The following SOD2 variants were observed in gnomAD, a reference collection of about 807,000 sequenced individuals.
SOD2 encodes the protein superoxide dismutase [Mn], mitochondrial.
SOD2 carries 11 observed loss-of-function variants against 27.0 expected under a neutral mutation model. That is an observed-to-expected ratio of 0.41 (90% confidence interval 0.26 to 0.67). The LOEUF (loss-of-function observed/expected upper bound fraction) is 0.67, where lower values mean the gene tolerates loss of function less well. Ranked by LOEUF, SOD2 falls within the 30% of genes least tolerant of loss-of-function variation. The pLI, the probability that SOD2 is intolerant of heterozygous loss-of-function variation, is 0.34. For synonymous variants in SOD2, 105 were observed against 103.0 expected, an observed-to-expected ratio of 1.02 and a Z score of -0.12; for missense variants, 250 against 274.5, an observed-to-expected ratio of 0.91 and a Z score of 0.63.
exon 1 of SOD2, chr6:159,727,328 T>G: frequency 8.0e-7 from 1 of 1,250,986 alleles, no homozygotes; most frequent in South Asian, 1.3e-5. Context: ...GAAAGGCGAC[T>G]CTCCTGTGAG....
upstream of SOD2, among the ~76,000 whole-genome samples, chr6:159,729,884 T>C (rs941869452): frequency 3.9e-5 from 6 of 152,294 alleles, no homozygotes; most frequent in Admixed American, 2.6e-4. Context: ...TACCTAACTT[T>C]ATGATGCTAA....
chr6:159,739,167 T>A (rs1779094461), intron 1 of SOD2: 1 of 779,336 alleles, frequency 1.3e-6, no homozygotes, highest in African/African-American at 1.8e-5. Flanking sequence ...AATAATTTAA[T>A]GTACTTTTTG....
At chr6:159,729,750 C>G (rs1449781957), upstream of SOD2, among the ~76,000 whole-genome samples, 1 of 152,192 alleles carries the variant, frequency 6.6e-6, no homozygotes, top group East Asian at 1.9e-4. Flanking sequence ...TCATCAGTAC[C>G]TTGCTACTAC....
chr6:159,732,381 A>C (rs1441322950), intron 1 of SOD2, among the ~76,000 whole-genome samples: 1 of 152,216 alleles, frequency 6.6e-6, no homozygotes, highest in African/African-American at 2.4e-5. Context: ...AGCTGTTTTC[A>C]AACTGTCATT....
chr6:159,750,813 C>T (rs1341714079), intron 1 of SOD2, among the ~76,000 whole-genome samples: 1 of 150,256 alleles, frequency 6.7e-6, no homozygotes, highest in African/African-American at 2.5e-5. Flanking sequence ...AAATACATCA[C>T]TAATTTGAAA....
At chr6:159,727,538 C>A (rs1778262616), upstream of SOD2, 1 of 991,680 alleles carries the variant, frequency 1.0e-6, no homozygotes, top group Non-Finnish European at 1.2e-6. Flanking sequence ...CAGCGAGACC[C>A]ACAAATAAAG....
chr6:159,734,963 G>T (rs1054219776), intron 1 of SOD2, among the ~76,000 whole-genome samples: 1 of 151,772 alleles, frequency 6.6e-6, no homozygotes, highest in East Asian at 1.9e-4. Flanking sequence ...ATTAGCATTC[G>T]TTCTAAAAAA....
chr6:159,721,812 A>G (rs1778047915), intron 1 of SOD2, among the ~76,000 whole-genome samples: 1 of 150,314 alleles, frequency 6.7e-6, no homozygotes, highest in African/African-American at 2.5e-5. Context: ...GGCGTAAGCC[A>G]CCACACCCAG....
intron 1 of SOD2, chr6:159,741,884 G>C (rs973374722): frequency 7.0e-6 from 3 of 429,212 alleles, no homozygotes; most frequent in Non-Finnish European, 8.3e-6. Context: ...CAGGGACATC[G>C]CTTGAGCCCA....
chr6:159,687,977 C>T, intron 3 of SOD2, 149 bp downstream of exon 3: 1 of 603,346 alleles, frequency 1.7e-6, no homozygotes, highest in Non-Finnish European at 3.0e-6. Context: ...CGCCACTGTA[C>T]TCCAGCCTGG....
At chr6:159,759,668 C>CAA (rs1189023511) in intron 1 of SOD2, among the ~76,000 whole-genome samples, 108 of 128,038 alleles carry the variant, frequency 8.4e-4, no homozygotes, top group African/African-American at 2.8e-3. Flanking sequence ...AGCTCCGTCT[C>CAA]AAAAAAAAAA....
intron 1 of SOD2, among the ~76,000 whole-genome samples, chr6:159,699,927 T>C (rs966026347): frequency 3.9e-5 from 6 of 152,172 alleles, no homozygotes; most frequent in African/African-American, 1.4e-4. Flanking sequence ...GATATCACAG[T>C]ATTTCTGGGA....
At chr6:159,761,031 CTT>C (rs1337528706) in intron 1 of SOD2, 5 of 153,746 alleles carry the variant, frequency 3.3e-5, no homozygotes, top group Admixed American at 2.6e-4. Flanking sequence ...GGCCTACACT[CTT>C]TACCTTCTCT....
At chr6:159,706,839 C>G (rs929272291) in intron 1 of SOD2, among the ~76,000 whole-genome samples, 1 of 152,142 alleles carries the variant, frequency 6.6e-6, no homozygotes, top group South Asian at 2.1e-4. Context: ...CACATCGCAC[C>G]TATTCCAAAA....
At chr6:159,741,909 C>T (rs951903426) in intron 1 of SOD2, 4 of 495,316 alleles carry the variant, frequency 8.1e-6, no homozygotes, top group Non-Finnish European at 1.4e-5. Context: ...CTGTTTGCGC[C>T]ACGCTGCACT....
intron 1 of SOD2, among the ~76,000 whole-genome samples, chr6:159,733,868 A>T (rs1192194239): frequency 6.6e-6 from 1 of 152,294 alleles, no homozygotes; most frequent in South Asian, 2.1e-4. Flanking sequence ...GTGAGCCGAG[A>T]TCGCGCCGTT....
chr6:159,736,090 C>T (rs1778895193), intron 1 of SOD2, among the ~76,000 whole-genome samples: 1 of 152,134 alleles, frequency 6.6e-6, no homozygotes, highest in African/African-American at 2.4e-5. Context: ...ATATCTTTGC[C>T]ACTTTTTTGT....
Position 159,684,876 on chromosome 6 carries a change from C to T in SOD2, c.501G>A (p.Gln167=). The T allele has an allele frequency of 1.9e-6, 3 of 1,611,920 alleles. No homozygotes were observed. The highest frequency in any genetic ancestry group is 2.5e-6 in the Non-Finnish European group (3 of 1,178,992). Reference sequence around the variant, plus strand: ...AACCTGTTGTTCCTTGCAGTGGATCCTGATTTGGACAAGCAGCAATTTGTA... The same window carrying T: ...AACCTGTTGTTCCTTGCAGTGGATCTTGATTTGGACAAGCAGCAATTTGTA... ...GHLQIAACPN[Q]DPLQGTTGLI... The change falls in exon 4 of 5, where the codon CAG becomes CAA. Residue 167 remains glutamine, a synonymous_variant. Transcript: ENST00000538183.
intron 1 of SOD2, chr6:159,753,716 C>T (rs1414268742): frequency 2.2e-6 from 3 of 1,382,992 alleles, no homozygotes; most frequent in Non-Finnish European, 2.9e-6. Context: ...ACATTGTTAA[C>T]CTCTGCCCTA....
Sources: gnomAD v4.1 joint callset for allele counts (sites outside exome capture counted in the v4.1 genomes callset) on GRCh38, gnomAD v4.1.1 for gene constraint, MANE v1.5 for transcripts, NCBI Gene and HGNC (gene_info 2026-07-23, HGNC 2026-07-21) for gene names.